Variants in MGAT4C observed in about 807,000 individuals in gnomAD.
MGAT4C encodes the protein alpha-1,3-mannosyl-glycoprotein 4-beta-N-acetylglucosaminyltransferase C.
Under a neutral mutation model 40.1 loss-of-function variants are expected in MGAT4C, and 19 were observed. That is an observed-to-expected ratio of 0.47 (90% CI 0.33 to 0.70). MGAT4C has a LOEUF of 0.70. Among genes scored for constraint, MGAT4C ranks in the 30% least tolerant of loss-of-function variants. The pLI, the probability that MGAT4C is intolerant of heterozygous loss-of-function variation, is 0.02. For missense variants in MGAT4C, 491 were observed against 563.2 expected, an observed-to-expected ratio of 0.87 and a Z score of 1.30; for synonymous variants, 181 against 187.1, an observed-to-expected ratio of 0.97 and a Z score of 0.27.
intron 4 of MGAT4C, among the ~76,000 whole-genome samples, chr12:86,305,806 T>C (rs1953921692): frequency 6.6e-6 from 1 of 150,586 alleles, no homozygotes; most frequent in Non-Finnish European, 1.5e-5. Context: ...ATTTTTCTTG[T>C]TGTATTGTTA....
intron 1 of MGAT4C, among the ~76,000 whole-genome samples, chr12:86,114,688 T>A (rs979692160): frequency 2.6e-5 from 4 of 152,006 alleles, no homozygotes; most frequent in Non-Finnish European, 5.9e-5. Flanking sequence ...AGAGTTGTTC[T>A]CTGAGGTGCC....
chr12:86,755,773 A>G (rs1303226507), intron 1 of MGAT4C, among the ~76,000 whole-genome samples: 1 of 151,668 alleles, frequency 6.6e-6, no homozygotes, highest in Non-Finnish European at 1.5e-5. Flanking sequence ...ACAGCCTCTG[A>G]GTAGCTGGGA....
At chr12:86,435,514 A>G (rs1038159184) in intron 2 of MGAT4C, among the ~76,000 whole-genome samples, 2 of 151,978 alleles carry the variant, frequency 1.3e-5, no homozygotes, top group Non-Finnish European at 1.5e-5. Context: ...CTAAGATTAA[A>G]AAAAATACAC....
chr12:86,341,955 G>A (rs1954915102), intron 3 of MGAT4C, among the ~76,000 whole-genome samples: 1 of 152,126 alleles, frequency 6.6e-6, no homozygotes, highest in Non-Finnish European at 1.5e-5. Flanking sequence ...TGCCTGAGGT[G>A]ACAGAGGGCT....
At position 86,205,950 on chromosome 12, in the gene MGAT4C, CAAAAA is replaced by C. The variant is rs58201797; in HGVS notation, c.-57+50284_-57+50288del. ...TGTGTTCTATTCAGCATGCTTCCAC[CAAAAA>C]AAAAAAAAAATTAAGCAATTATGGC... On this transcript the variant is annotated intron_variant, in intron 1 of 4. Coordinates refer to ENST00000611864, the MANE Select transcript of MGAT4C (RefSeq NM_001351288.2). Among the ~76,000 whole-genome samples, 605 of 149,102 alleles carry C rather than the reference CAAAAA, an allele frequency of 4.1e-3. 2 individuals carry two copies. Among genetic ancestry groups the C allele is most frequent in the African/African-American group, 0.014 (550 of 40,564 alleles).
At chr12:86,073,063 CAT>C (rs1338729300) in intron 1 of MGAT4C, among the ~76,000 whole-genome samples, 15 of 152,136 alleles carry the variant, frequency 9.9e-5, no homozygotes, top group Admixed American at 9.8e-4. Flanking sequence ...GTAATTCCCA[CAT>C]GTTATGAGAG....
intron 2 of MGAT4C, among the ~76,000 whole-genome samples, chr12:86,674,786 G>T (rs1424846018): frequency 2.0e-5 from 3 of 152,100 alleles, no homozygotes; most frequent in African/African-American, 2.4e-5. Context: ...TTATTTTATA[G>T]ATTGTAATAA....
intron 1 of MGAT4C, among the ~76,000 whole-genome samples, chr12:86,101,913 T>C (rs911377530): frequency 6.6e-6 from 1 of 151,988 alleles, no homozygotes; most frequent in African/African-American, 2.4e-5. Flanking sequence ...GAAAACCTCC[T>C]ACTGAATTTC....
At chr12:86,552,473 T>C (rs1195532195) in intron 2 of MGAT4C, among the ~76,000 whole-genome samples, 7 of 152,086 alleles carry the variant, frequency 4.6e-5, no homozygotes, top group African/African-American at 1.7e-4. Context: ...GTAGATTGAC[T>C]ACAGTTAACA....
chr12:86,402,717 A>T (rs1334772446), intron 3 of MGAT4C, among the ~76,000 whole-genome samples: 1 of 152,158 alleles, frequency 6.6e-6, no homozygotes, highest in African/African-American at 2.4e-5. Flanking sequence ...TATAGTAGGC[A>T]CTGGATTTAT....
chr12:86,689,720 C>A (rs1481629822), intron 2 of MGAT4C, among the ~76,000 whole-genome samples: 1 of 152,106 alleles, frequency 6.6e-6, no homozygotes, highest in Non-Finnish European at 1.5e-5. Flanking sequence ...CAGATGCCAG[C>A]CAGAGCTCTC....
chr12:86,273,811 A>T (rs1358997880), intron 4 of MGAT4C, among the ~76,000 whole-genome samples: 1 of 152,198 alleles, frequency 6.6e-6, no homozygotes, highest in African/African-American at 2.4e-5. Context: ...CAATAATTCA[A>T]CGTATCATGA....
At chr12:86,096,794 G>A (rs1377966935) in intron 1 of MGAT4C, among the ~76,000 whole-genome samples, 1 of 151,346 alleles carries the variant, frequency 6.6e-6, no homozygotes, top group Admixed American at 6.6e-5. Flanking sequence ...TCCTTGTAAA[G>A]TTCTATTACC....
Position 86,585,737 on chromosome 12 carries a change from T to TA in MGAT4C, c.-229+141471_-229+141472insT, listed in dbSNP as rs1452847836. ...GGCTCCATGTTTTATTTTTTTTAAT[T>TA]TTTTTTTTAATTTTTCTTTTTTTTT... On this transcript the variant is annotated intron_variant, in intron 2 of 7. Transcript: ENST00000548651. 2.3e-3 allele frequency among the ~76,000 whole-genome samples: 333 copies of TA among 147,404 alleles called. 1 individual carries two copies. The highest frequency in any genetic ancestry group is 3.6e-3 in the Non-Finnish European group (237 of 65,386).
At chr12:86,608,701 A>G (rs1438650373) in intron 2 of MGAT4C, among the ~76,000 whole-genome samples, 3 of 151,586 alleles carry the variant, frequency 2.0e-5, no homozygotes, top group Non-Finnish European at 4.4e-5. Flanking sequence ...TAAATAAACC[A>G]GTATGTAAAA....
chr12:86,427,215 C>T (rs1056939107), intron 3 of MGAT4C, among the ~76,000 whole-genome samples: 4 of 152,072 alleles, frequency 2.6e-5, no homozygotes, highest in African/African-American at 9.7e-5. Context: ...TGCTTCCATT[C>T]TACATTTACA....
intron 4 of MGAT4C, among the ~76,000 whole-genome samples, chr12:86,307,914 A>G (rs1348085920): frequency 6.7e-6 from 1 of 150,320 alleles, no homozygotes; most frequent in South Asian, 2.1e-4. Context: ...CGTGTTAGCC[A>G]GGATGGTCTC....
intron 2 of MGAT4C, among the ~76,000 whole-genome samples, chr12:86,483,747 C>T (rs372881761): frequency 6.7e-6 from 1 of 149,310 alleles, no homozygotes; most frequent in African/African-American, 2.5e-5. Flanking sequence ...AAGTCTCCTA[C>T]TTGGCTTCAT....
At chr12:86,302,490 G>A (rs1373410370) in intron 4 of MGAT4C, among the ~76,000 whole-genome samples, 1 of 150,506 alleles carries the variant, frequency 6.6e-6, no homozygotes, top group Non-Finnish European at 1.5e-5. Flanking sequence ...GTGCAGTGGT[G>A]CAATGTGGGC....
Sources: allele counts gnomAD v4.1 joint callset (sites outside exome capture counted in the v4.1 genomes callset), GRCh38; gene constraint gnomAD v4.1.1; transcripts MANE v1.5; gene names NCBI Gene and HGNC (gene_info 2026-07-23, HGNC 2026-07-21).